The following CARMIL1 variants were observed in gnomAD, a reference collection of about 807,000 sequenced individuals.
The protein encoded by CARMIL1 is F-actin-uncapping protein LRRC16A.
In CARMIL1, 90 loss-of-function variants were observed where a neutral mutation model predicts 177.1. The observed-to-expected ratio is 0.51, with a 90% confidence interval of 0.43 to 0.61. The LOEUF (loss-of-function observed/expected upper bound fraction) is 0.61, where lower values mean the gene tolerates loss of function less well. CARMIL1 is among the 20% of genes least tolerant of loss of function. The pLI, the probability that CARMIL1 is intolerant of heterozygous loss-of-function variation, is 0.00. For synonymous variants in CARMIL1, 577 were observed against 606.2 expected (o/e 0.95, Z 0.71); for missense variants, 1,380 against 1,667.0 (o/e 0.83, Z 3.00).
At chr6:25,411,034 G>A (rs563616505) in intron 2 of CARMIL1, among the ~76,000 whole-genome samples, 1 of 152,234 alleles carries the variant, frequency 6.6e-6, no homozygotes, top group African/African-American at 2.4e-5. Flanking sequence ...CTGTGTTGGG[G>A]AAGCAGAAGT....
chr6:25,299,803 A>T (rs1188143367), intron 2 of CARMIL1, among the ~76,000 whole-genome samples: 1 of 151,402 alleles, frequency 6.6e-6, no homozygotes, highest in Non-Finnish European at 1.5e-5. Context: ...CATGGCGAAA[A>T]CCCATCTCTA....
intron 9 of CARMIL1, among the ~76,000 whole-genome samples, chr6:25,466,926 A>G (rs981001623): frequency 1.3e-5 from 2 of 152,198 alleles, no homozygotes; most frequent in African/African-American, 4.8e-5. Context: ...AGGCTGTGGT[A>G]CCTTAGATAA....
chr6:25,582,886 A>G (rs1306260110), intron 31 of CARMIL1, among the ~76,000 whole-genome samples: 1 of 152,204 alleles, frequency 6.6e-6, no homozygotes, highest in Non-Finnish European at 1.5e-5. Flanking sequence ...AGCCTAGAGT[A>G]TGCCAACCCT....
intron 8 of CARMIL1, among the ~76,000 whole-genome samples, chr6:25,463,898 C>G (rs1327398619): frequency 6.9e-6 from 1 of 144,236 alleles, no homozygotes; most frequent in Non-Finnish European, 1.5e-5. Flanking sequence ...TCTCGGCTCA[C>G]TGCAAGCTCT....
Position 25,384,649 on chromosome 6 carries a change from A to G in CARMIL1, c.139-35465A>G, listed in dbSNP as rs568202319. 3.9e-5 allele frequency among the ~76,000 whole-genome samples: 6 copies of G among 152,294 alleles called. No homozygotes were observed. In the South Asian group the frequency reaches 8.3e-4, roughly 21 times the overall value. ...TTGCTATTTTTAGATTTGCTTTCAG[A>G]ATGCGACCTATGGGGCAGAGGACCC... On this transcript the variant is annotated intron_variant, in intron 2 of 36. Transcript: ENST00000329474.
intron 35 of CARMIL1, among the ~76,000 whole-genome samples, chr6:25,607,735 G>T (rs1020788936): frequency 6.6e-6 from 1 of 152,132 alleles, no homozygotes; most frequent in South Asian, 2.1e-4. Context: ...CCCATGTTCC[G>T]TCACATATTT....
At chr6:25,312,905 TAA>T (rs35960509) in intron 2 of CARMIL1, among the ~76,000 whole-genome samples, 5 of 115,028 alleles carry the variant, frequency 4.3e-5, no homozygotes, top group East Asian at 5.6e-4. Context: ...ATGACTCAGT[TAA>T]AAAAAAAAAA....
chr6:25,375,091 A>G (rs905649813), intron 2 of CARMIL1, among the ~76,000 whole-genome samples: 2 of 152,226 alleles, frequency 1.3e-5, no homozygotes, highest in South Asian at 2.1e-4. Flanking sequence ...GATAAGTCCT[A>G]TAAGTTTTAT....
chr6:25,507,284 A>G (rs1250888517), intron 17 of CARMIL1, among the ~76,000 whole-genome samples: 1 of 152,182 alleles, frequency 6.6e-6, no homozygotes, highest in Non-Finnish European at 1.5e-5. Context: ...TGTGACTTGA[A>G]TGTTCTTGGT....
chr6:25,279,873 T>A (rs1561926435), intron 1 of CARMIL1, 38 bp downstream of exon 1: 1 of 1,609,082 alleles, frequency 6.2e-7, no homozygotes, highest in Non-Finnish European at 8.5e-7. Flanking sequence ...CACCTTCCTC[T>A]GCGTACTCCT....
At chr6:25,559,571 CT>C (rs3840100) in intron 29 of CARMIL1, among the ~76,000 whole-genome samples, 124,373 of 152,072 alleles carry the variant, frequency 0.82, 51,231 homozygotes, top group East Asian at 0.95. Context: ...ACAGATGGAG[CT>C]TACAGCACTG....
intron 8 of CARMIL1, among the ~76,000 whole-genome samples, chr6:25,454,699 T>C (rs971574286): frequency 6.6e-6 from 1 of 152,218 alleles, no homozygotes; most frequent in African/African-American, 2.4e-5. Flanking sequence ...AGGTTATATA[T>C]ATGAAGAGAC....
intron 1 of CARMIL1, among the ~76,000 whole-genome samples, chr6:25,283,191 T>C (rs2150124299): frequency 6.6e-6 from 1 of 152,238 alleles, no homozygotes; most frequent in South Asian, 2.1e-4. Context: ...ACACTGAAAA[T>C]AAATGTGAAA....
intron 2 of CARMIL1, among the ~76,000 whole-genome samples, chr6:25,304,442 G>A (rs181287198): frequency 9.2e-5 from 14 of 152,330 alleles, no homozygotes; most frequent in African/African-American, 3.1e-4. Flanking sequence ...CGAGTGGGTA[G>A]GGGGATGGTT....
At chr6:25,474,995 T>C (rs558779648) in intron 11 of CARMIL1, among the ~76,000 whole-genome samples, 2 of 152,288 alleles carry the variant, frequency 1.3e-5, no homozygotes, top group African/African-American at 4.8e-5. Flanking sequence ...AAAGCAGTAG[T>C]GTGGCAATAA....
chr6:25,586,399 C>T (rs1375230197), intron 31 of CARMIL1, among the ~76,000 whole-genome samples: 9 of 148,482 alleles, frequency 6.1e-5, no homozygotes, highest in Admixed American at 2.7e-4. Flanking sequence ...AGACAATGGG[C>T]GGCCAGGCAG....
intron 29 of CARMIL1, among the ~76,000 whole-genome samples, chr6:25,557,180 CAAA>C (rs1375532227): frequency 6.6e-6 from 1 of 151,978 alleles, no homozygotes; most frequent in Non-Finnish European, 1.5e-5. Flanking sequence ...AAGACTTTTT[CAAA>C]TAAAAAATAT....
intron 5 of CARMIL1, among the ~76,000 whole-genome samples, chr6:25,439,767 A>G (rs73393834): frequency 0.012 from 1,894 of 152,316 alleles, 50 homozygotes; most frequent in African/African-American, 0.043. Context: ...AAGATCAGCT[A>G]TTAAGGGGAA....
At chr6:25,315,623 A>G (rs796943348) in intron 2 of CARMIL1, among the ~76,000 whole-genome samples, 29 of 152,300 alleles carry the variant, frequency 1.9e-4, no homozygotes, top group African/African-American at 6.3e-4. Flanking sequence ...ATTCCACCTC[A>G]GGTAATCTCT....
Sources: gnomAD v4.1 joint callset for allele counts (sites outside exome capture counted in the v4.1 genomes callset) on GRCh38, gnomAD v4.1.1 for gene constraint, MANE v1.5 for transcripts, NCBI Gene and HGNC (gene_info 2026-07-23, HGNC 2026-07-21) for gene names.